Variants in RNF38 observed in about 807,000 individuals in gnomAD.
RNF38 encodes the protein E3 ubiquitin-protein ligase RNF38.
RNF38 carries 15 observed loss-of-function variants against 67.2 expected under a neutral mutation model. The observed-to-expected ratio is 0.22, with a 90% CI of 0.15 to 0.34. RNF38 has a LOEUF of 0.34. RNF38 is among the 10% of genes least tolerant of loss of function. RNF38 has a pLI of 1.00. For missense variants in RNF38, 524 were observed against 639.9 expected (o/e 0.82, Z 1.95); for synonymous variants, 220 against 218.8 (o/e 1.01, Z -0.05).
At chr9:36,479,577 T>C (rs1476192925) in intron 1 of RNF38, among the ~76,000 whole-genome samples, 1 of 152,134 alleles carries the variant, frequency 6.6e-6, no homozygotes, top group Non-Finnish European at 1.5e-5. Flanking sequence ...ATAACTGTCT[T>C]GAATTGCACC....
chr9:36,376,831 CAGG>C (rs1263997419), intron 2 of RNF38, among the ~76,000 whole-genome samples: 3 of 148,922 alleles, frequency 2.0e-5, no homozygotes, highest in African/African-American at 7.5e-5. Context: ...GAGGTTGAGG[CAGG>C]AGAATCGCTT....
intron 1 of RNF38, among the ~76,000 whole-genome samples, chr9:36,449,644 C>G (rs145687342): frequency 2.6e-5 from 4 of 152,104 alleles, no homozygotes; most frequent in Non-Finnish European, 2.9e-5. Context: ...ACCGTGTTAG[C>G]CAGGATGGTC....
intron 9 of RNF38, among the ~76,000 whole-genome samples, chr9:36,349,918 T>C (rs1456283851): frequency 1.3e-5 from 2 of 152,142 alleles, no homozygotes; most frequent in African/African-American, 2.4e-5. Flanking sequence ...TGGTGTGATC[T>C]TGGCTCACTG....
At chr9:36,484,282 A>T (rs1041049684) in intron 1 of RNF38, among the ~76,000 whole-genome samples, 7 of 152,232 alleles carry the variant, frequency 4.6e-5, no homozygotes, top group African/African-American at 1.7e-4. Flanking sequence ...AACTATCAGC[A>T]GTTCCAAAAT....
At chr9:36,367,516 T>C (rs1355598160) in intron 4 of RNF38, among the ~76,000 whole-genome samples, 1 of 152,204 alleles carries the variant, frequency 6.6e-6, no homozygotes, top group Non-Finnish European at 1.5e-5. Flanking sequence ...CAATATTATG[T>C]TATTCTTTTA....
chr9:36,371,963 C>A (rs1839119055), intron 3 of RNF38, among the ~76,000 whole-genome samples: 2 of 149,116 alleles, frequency 1.3e-5, no homozygotes, highest in South Asian at 4.3e-4. Context: ...CAGAGTCTCG[C>A]CCTGTCTGCC....
intron 1 of RNF38, among the ~76,000 whole-genome samples, chr9:36,445,694 G>A (rs1040429300): frequency 3.9e-4 from 60 of 152,204 alleles, no homozygotes; most frequent in African/African-American, 1.4e-3. Context: ...AAAGTAAGGA[G>A]GCATGCAGCT....
chr9:36,481,447 T>A (rs1386879480), intron 1 of RNF38, among the ~76,000 whole-genome samples: 1 of 152,194 alleles, frequency 6.6e-6, no homozygotes, highest in Admixed American at 6.6e-5. Flanking sequence ...TCCATTTAAG[T>A]AGAACAGGAA....
At chr9:36,454,478 A>G (rs984364774) in intron 1 of RNF38, among the ~76,000 whole-genome samples, 1 of 151,652 alleles carries the variant, frequency 6.6e-6, no homozygotes, top group African/African-American at 2.4e-5. Context: ...TACCTATTAC[A>G]TTATTTCACA....
At chr9:36,487,339 A>T in exon 1 of RNF38, 1 of 984,838 alleles carries the variant, frequency 1.0e-6, no homozygotes, top group Non-Finnish European at 1.2e-6. Context: ...AGGCGCCGCC[A>T]CCCTGGGCTC....
chr9:36,425,676 ATGAG>A (rs541009046), intron 1 of RNF38, among the ~76,000 whole-genome samples: 57 of 152,246 alleles, frequency 3.7e-4, no homozygotes, highest in African/African-American at 1.4e-3. Flanking sequence ...TCCAGCCTGC[ATGAG>A]TGAGACCCTG....
intron 1 of RNF38, among the ~76,000 whole-genome samples, chr9:36,482,107 G>T (rs952015278): frequency 6.9e-6 from 1 of 145,150 alleles, no homozygotes; most frequent in Non-Finnish European, 1.5e-5. Flanking sequence ...AGGCTGGAGT[G>T]CAATGGTGCA....
intron 4 of RNF38, among the ~76,000 whole-genome samples, chr9:36,358,417 A>G (rs1463612575): frequency 6.6e-6 from 1 of 152,256 alleles, no homozygotes; most frequent in Non-Finnish European, 1.5e-5. Flanking sequence ...AACGATGCTG[A>G]TAACATATCC....
chr9:36,477,246 C>T (rs1256780103), intron 1 of RNF38, among the ~76,000 whole-genome samples: 1 of 151,442 alleles, frequency 6.6e-6, no homozygotes, highest in East Asian at 2.0e-4. Flanking sequence ...CTGCTTGAAC[C>T]TGGGAGGCAG....
intron 1 of RNF38, among the ~76,000 whole-genome samples, chr9:36,463,145 T>C (rs941834807): frequency 3.9e-5 from 6 of 152,152 alleles, no homozygotes; most frequent in Non-Finnish European, 7.3e-5. Context: ...CCACTTATCA[T>C]CCTTATGGCA....
intron 1 of RNF38, among the ~76,000 whole-genome samples, chr9:36,390,949 G>C (rs185685929): frequency 6.6e-6 from 1 of 152,226 alleles, no homozygotes; most frequent in East Asian, 1.9e-4. Flanking sequence ...GAAAACCCAA[G>C]GTAAAATTAC....
At chr9:36,410,653 C>A (rs1838299228) in intron 2 of RNF38, among the ~76,000 whole-genome samples, 1 of 152,186 alleles carries the variant, frequency 6.6e-6, no homozygotes, top group Non-Finnish European at 1.5e-5. Context: ...GATAAGACAT[C>A]CAGTATGAAA....
At chr9:36,400,348 G>T, upstream of RNF38, 1 of 1,232,088 alleles carries the variant, frequency 8.1e-7, no homozygotes, top group Middle Eastern at 2.3e-4. Context: ...AAAAAGGGAG[G>T]GAGCGAGAGA....
intron 2 of RNF38, among the ~76,000 whole-genome samples, chr9:36,421,956 G>T (rs1363906944): frequency 6.6e-6 from 1 of 152,118 alleles, no homozygotes. Flanking sequence ...ATCTGGCCAG[G>T]CATGGTGGCT....
Sources: allele counts gnomAD v4.1 joint callset (sites outside exome capture counted in the v4.1 genomes callset), GRCh38; gene constraint gnomAD v4.1.1; transcripts MANE v1.5; gene names NCBI Gene and HGNC (gene_info 2026-07-23, HGNC 2026-07-21).